The following FAT3 variants were observed in gnomAD, a reference collection of about 807,000 sequenced individuals.
FAT3 encodes the protein FAT atypical cadherin 3, also known as protocadherin Fat 3.
A neutral mutation model predicts 310.2 loss-of-function variants in FAT3; 95 were observed. The ratio of observed to expected loss-of-function variants is 0.31; its 90% CI spans 0.26 to 0.36. The LOEUF is 0.36. Among genes scored for constraint, FAT3 ranks in the 10% least tolerant of loss-of-function variants. FAT3 has a pLI of 1.00. For missense variants in FAT3, 5,408 were observed against 5,715.6 expected (o/e 0.95, Z 1.74); for synonymous variants, 2,314 against 2,192.9 (o/e 1.06, Z -1.54).
At chr11:92,404,495 G>GAGACCTC (rs1950094658) in intron 2 of FAT3, among the ~76,000 whole-genome samples, 13 of 151,336 alleles carry the variant, frequency 8.6e-5, no homozygotes, top group Admixed American at 7.2e-4. Context: ...GTGTTCATTT[G>GAGACCTC]ACCTTTGAGG....
At chr11:92,569,933 A>G (rs565571960) in intron 3 of FAT3, among the ~76,000 whole-genome samples, 10 of 152,246 alleles carry the variant, frequency 6.6e-5, no homozygotes, top group Non-Finnish European at 1.3e-4. Flanking sequence ...ATCTCACCAC[A>G]GGCCTCCTTG....
chr11:92,418,439 C>A lies in FAT3; in HGVS notation c.3292+63035C>A, dbSNP rs1279238270. On this transcript the variant is annotated intron_variant, in intron 2 of 27. Coordinates refer to ENST00000525166, the MANE Select transcript of FAT3 (RefSeq NM_001367949.2). The stretch of plus-strand genomic sequence containing the variant: ...TAAACACCCCCCCCACCCCCCCACA[C>A]ACACACAGAGAAAACAAAGATTTCA... 9.5e-5 allele frequency among the ~76,000 whole-genome samples: 11 copies of A among 116,000 alleles called. 1 individual carries two copies. The highest frequency in any genetic ancestry group is 1.6e-4 in the Non-Finnish European group (9 of 57,600). The allele number at this position is 116,000 out of a possible 152,430, so 76.1% of individuals were successfully genotyped here.
intron 6 of FAT3, 35 bp from the exon 7 acceptor site, chr11:92,774,006 G>T: frequency 6.2e-7 from 1 of 1,609,240 alleles, no homozygotes; most frequent in Non-Finnish European, 8.5e-7. Flanking sequence ...CAAGTTATCA[G>T]ATTTGCTAAT....
chr11:92,353,086 AG>A lies in FAT3; in HGVS notation c.975del (p.Ile326LeufsTer34), dbSNP rs1238061097. 1 of 1,613,552 alleles carries A rather than the reference AG, an allele frequency of 6.2e-7. No homozygotes were observed. The highest frequency in any genetic ancestry group is 8.5e-7 in the Non-Finnish European group (1 of 1,179,868). On this transcript the variant is annotated frameshift_variant, in exon 2 of 28. Transcript: ENST00000525166. LOFTEE classifies it high-confidence loss of function. ...GAAGGAAAGTGGTTGAATGAGTACA[AG>A]ATTAAGGAGAGGAAGCAGATTGACT... Reference protein sequence around the residue: ...AKEGKWLNEYKIKERKQIDWE... With the variant: ...AKEGKWLNEYXIKERKQIDWE...
At chr11:92,889,780 A>G (rs1949875528) in intron 26 of FAT3, 76 bp from the exon 27 acceptor site, 2 of 712,032 alleles carry the variant, frequency 2.8e-6, no homozygotes, top group Admixed American at 2.0e-5. Flanking sequence ...TTTAAAAGTC[A>G]TCTCAAATGT....
chr11:92,272,676 A>C (rs965180374), intron 1 of FAT3, among the ~76,000 whole-genome samples: 1 of 151,638 alleles, frequency 6.6e-6, no homozygotes, highest in Non-Finnish European at 1.5e-5. Context: ...TAAGGAGAAC[A>C]TGGGGTGTGG....
At chr11:92,580,111 G>A (rs1045811368) in intron 3 of FAT3, among the ~76,000 whole-genome samples, 3 of 151,982 alleles carry the variant, frequency 2.0e-5, no homozygotes, top group Non-Finnish European at 2.9e-5. Context: ...AAATTAGCAT[G>A]AAAAATATTT....
At chr11:92,700,721 A>G (rs1161495214) in intron 4 of FAT3, among the ~76,000 whole-genome samples, 2 of 152,044 alleles carry the variant, frequency 1.3e-5, no homozygotes, top group African/African-American at 4.8e-5. Flanking sequence ...CACACACACC[A>G]TTTCATTTAA....
chr11:92,720,694 A>T (rs1384790897), intron 4 of FAT3, among the ~76,000 whole-genome samples: 1 of 152,098 alleles, frequency 6.6e-6, no homozygotes, highest in Admixed American at 6.6e-5. Context: ...TCCAGATTTC[A>T]TGCTGCAGTT....
chr11:92,729,932 G>A (rs1945127443), intron 4 of FAT3, among the ~76,000 whole-genome samples: 2 of 152,118 alleles, frequency 1.3e-5, no homozygotes, highest in South Asian at 4.1e-4. Flanking sequence ...GAATCTATGA[G>A]AGTCTAGTGG....
chr11:92,861,930 C>T (rs1310514522), intron 21 of FAT3, among the ~76,000 whole-genome samples: 4 of 152,180 alleles, frequency 2.6e-5, no homozygotes, highest in African/African-American at 9.7e-5. Flanking sequence ...GCGCCCCTTA[C>T]AGACAATTAA....
intron 4 of FAT3, among the ~76,000 whole-genome samples, chr11:92,751,740 G>A (rs999224134): frequency 4.6e-5 from 7 of 152,112 alleles, no homozygotes; most frequent in African/African-American, 1.2e-4. Context: ...AAAGGCACAC[G>A]TGGGAAGGGA....
intron 3 of FAT3, among the ~76,000 whole-genome samples, chr11:92,577,793 GA>G (rs974421140): frequency 4.0e-5 from 6 of 151,328 alleles, no homozygotes; most frequent in Admixed American, 4.0e-4. Context: ...TATTCCAAAG[GA>G]AAAAAAATAT....
chr11:92,546,424 G>A (rs1954620893), intron 3 of FAT3, among the ~76,000 whole-genome samples: 1 of 152,134 alleles, frequency 6.6e-6, no homozygotes, highest in African/African-American at 2.4e-5. Flanking sequence ...CATATTAACA[G>A]CAATTCATAC....
Position 92,800,778 on chromosome 11 carries a change from A to T in FAT3, c.7765A>T (p.Ile2589Phe). Reference sequence around the variant, plus strand: ...AACAACTTTCTGCACTGTGAGAGTGATTGTTGTGGATGAAAATGACAATGC... The same window carrying T: ...AACAACTTTCTGCACTGTGAGAGTGTTTGTTGTGGATGAAAATGACAATGC... ...GRTTFCTVRV[I>F]VVDENDNAPQ... Residue 2589 changes from isoleucine to phenylalanine, a missense_variant, in exon 10 of 28, where the codon ATT becomes TTT. Ile to Phe is a conservative substitution (Grantham distance 21). Around this residue, in one of 5 missense-constraint regions of FAT3, gnomAD observed 4,588 missense variants for 4,809.8 expected, o/e 0.95. Coordinates refer to ENST00000525166, the MANE Select transcript of FAT3 (RefSeq NM_001367949.2). 1 of 1,613,850 alleles carries T rather than the reference A, an allele frequency of 6.2e-7. No individual in the cohort carries two copies. The highest frequency in any genetic ancestry group is 1.7e-5 in the Admixed American group (1 of 60,002).
Position 92,831,858 on chromosome 11 carries a change from G to C in FAT3, c.9718G>C (p.Asp3240His). The C allele has an allele frequency of 6.2e-7, 1 of 1,613,646 alleles. No homozygotes were observed. Among genetic ancestry groups the C allele is most frequent in the Non-Finnish European group, 8.5e-7 (1 of 1,179,794 alleles). Residue 3240 changes from aspartate to histidine, a missense_variant, in exon 14 of 28, where the codon GAC becomes CAC. Transcript: ENST00000525166. The part of the protein sequence containing the change: ...NDNPPVFERR[D>H]YLVTVPEDTS... The stretch of plus-strand genomic sequence containing the variant: ...CAACCCCCCTGTGTTTGAGAGGAGG[G>C]ACTACCTGGTGACGGTGCCTGAGGA...
chr11:92,439,243 A>T (rs183658739), intron 2 of FAT3, among the ~76,000 whole-genome samples: 1 of 143,572 alleles, frequency 7.0e-6, no homozygotes, highest in Admixed American at 6.7e-5. Flanking sequence ...ATGCTCTTTT[A>T]AAAAAACAGG....
Position 92,792,751 on chromosome 11 carries a change from T to C in FAT3, c.4612-16T>C. The C allele has an allele frequency of 6.2e-7, 1 of 1,612,124 alleles. No individual in the cohort carries two copies. Among genetic ancestry groups the C allele is most frequent in the Non-Finnish European group, 8.5e-7 (1 of 1,178,912 alleles). ...TTAAAATTTGAGTCCCACCACTTCT[T>C]GTATTTTGCCTAAAGGTCAGAGATC... On this transcript the variant is annotated splice_polypyrimidine_tract_variant and intron_variant, in intron 8 of 27. Transcript: ENST00000525166.
intron 4 of FAT3, among the ~76,000 whole-genome samples, chr11:92,724,919 C>T (rs1944958247): frequency 6.6e-6 from 1 of 152,162 alleles, no homozygotes; most frequent in Non-Finnish European, 1.5e-5. Flanking sequence ...TAAGAAGCAA[C>T]TATATTATAA....
Sources: gnomAD v4.1 joint callset for allele counts (sites outside exome capture counted in the v4.1 genomes callset) on GRCh38, gnomAD v4.1.1 for gene constraint, gnomAD v4.1.1 regional missense constraint, MANE v1.5 for transcripts, NCBI Gene and HGNC (gene_info 2026-07-23, HGNC 2026-07-21) for gene names.